The following LRCH1 variants were observed in gnomAD, a reference collection of about 807,000 sequenced individuals.
The protein encoded by LRCH1 is leucine rich repeats and calponin homology domain containing 1.
LRCH1 carries 23 observed loss-of-function variants against 94.9 expected under a neutral mutation model. That is an observed-to-expected ratio of 0.24 (90% CI 0.17 to 0.34). The LOEUF is 0.34. LRCH1 is among the 10% of genes least tolerant of loss of function. The probability of loss-of-function intolerance (pLI) is 1.00; values close to 1 mark genes in which losing one functional copy is unlikely to be tolerated. For missense variants in LRCH1, 790 were observed against 945.9 expected, an observed-to-expected ratio of 0.84 and a Z score of 2.16; for synonymous variants, 364 against 354.9, an observed-to-expected ratio of 1.03 and a Z score of -0.29.
chr13:46,705,753 G>C, intron 13 of LRCH1: 1 of 319,948 alleles, frequency 3.1e-6, no homozygotes, highest in Non-Finnish European at 6.1e-6. Context: ...AGGATTGAGA[G>C]AATATCATGA....
chr13:46,609,487 A>G (rs1479106455), intron 1 of LRCH1, among the ~76,000 whole-genome samples: 1 of 152,208 alleles, frequency 6.6e-6, no homozygotes, highest in African/African-American at 2.4e-5. Flanking sequence ...TTTTATAAAC[A>G]TGTAGCTACT....
chr13:46,565,566 A>G (rs1594247547), intron 1 of LRCH1, among the ~76,000 whole-genome samples: 1 of 151,728 alleles, frequency 6.6e-6, no homozygotes, highest in Admixed American at 6.6e-5. Flanking sequence ...AATCCTAGCA[A>G]TTTGGGAGGC....
intron 3 of LRCH1, among the ~76,000 whole-genome samples, chr13:46,674,650 T>G (rs2051646627): frequency 1.3e-5 from 2 of 152,368 alleles, no homozygotes; most frequent in South Asian, 4.1e-4. Flanking sequence ...GGGGAAGAGA[T>G]AAAGCATTCA....
intron 18 of LRCH1, among the ~76,000 whole-genome samples, chr13:46,732,863 A>G (rs1360455464): frequency 6.6e-6 from 1 of 152,206 alleles, no homozygotes; most frequent in Admixed American, 6.5e-5. Context: ...TGCTGGCGAC[A>G]TCTCTTTAGG....
At chr13:46,582,370 CTTTTTTTTT>C (rs10686269) in intron 1 of LRCH1, among the ~76,000 whole-genome samples, 3 of 79,590 alleles carry the variant, frequency 3.8e-5, no homozygotes, top group Admixed American at 1.8e-4. Flanking sequence ...TTGCTCTCAT[CTTTTTTTTT>C]TTTTTTTTTT....
chr13:46,640,232 C>T (rs1044146546), intron 1 of LRCH1, among the ~76,000 whole-genome samples: 3 of 152,172 alleles, frequency 2.0e-5, no homozygotes, highest in African/African-American at 7.2e-5. Context: ...TAATAGCTAA[C>T]ATAATCATGA....
At chr13:46,716,949 T>C (rs1403768004) in intron 16 of LRCH1, among the ~76,000 whole-genome samples, 2 of 152,040 alleles carry the variant, frequency 1.3e-5, no homozygotes, top group Non-Finnish European at 2.9e-5. Context: ...TTTCAGAAAG[T>C]ATAGCTATTT....
chr13:46,644,381 T>C (rs1022051731), intron 1 of LRCH1, among the ~76,000 whole-genome samples: 1 of 152,236 alleles, frequency 6.6e-6, no homozygotes, highest in African/African-American at 2.4e-5. Context: ...ATCTTACTTT[T>C]CAAAATTTAA....
intron 2 of LRCH1, among the ~76,000 whole-genome samples, chr13:46,663,374 A>G (rs1000160109): frequency 6.6e-6 from 1 of 152,176 alleles, no homozygotes; most frequent in African/African-American, 2.4e-5. Context: ...TAGACGTGTA[A>G]TTAATGATGG....
At chr13:46,581,962 C>T (rs2050371186) in intron 1 of LRCH1, among the ~76,000 whole-genome samples, 1 of 151,984 alleles carries the variant, frequency 6.6e-6, no homozygotes, top group Non-Finnish European at 1.5e-5. Context: ...CCACCCTGGC[C>T]AATATGGCGA....
intron 1 of LRCH1, among the ~76,000 whole-genome samples, chr13:46,558,791 G>A (rs1366287203): frequency 1.3e-5 from 2 of 152,042 alleles, no homozygotes; most frequent in Non-Finnish European, 2.9e-5. Flanking sequence ...AAAAGAAACA[G>A]AGAGGGCATT....
chr13:46,557,994 G>A (rs1416388532), intron 1 of LRCH1, among the ~76,000 whole-genome samples: 2 of 152,136 alleles, frequency 1.3e-5, no homozygotes, highest in Non-Finnish European at 2.9e-5. Flanking sequence ...CCATGATCGC[G>A]CCACTGCACT....
At position 46,741,584 on chromosome 13, in the gene LRCH1, G is replaced by A. The variant is rs956666391; in HGVS notation, c.2086-58G>A. Reference sequence around the variant, plus strand: ...TGTGCTTCTTTCTAGCTGTTCCTCCGTGTATTTTTAATTGTATGCACTGTC... The same window carrying A: ...TGTGCTTCTTTCTAGCTGTTCCTCCATGTATTTTTAATTGTATGCACTGTC... On this transcript the variant is annotated intron_variant, in intron 19 of 19. Coordinates refer to ENST00000389797, the MANE Select transcript of LRCH1 (RefSeq NM_001164211.2). 2.5e-5 allele frequency: 40 copies of A among 1,603,978 alleles called. No individual in the cohort carries two copies. The highest frequency in any genetic ancestry group is 3.3e-5 in the South Asian group (3 of 90,824).
chr13:46,649,742 A>G (rs1014269172), intron 1 of LRCH1, among the ~76,000 whole-genome samples: 7 of 151,880 alleles, frequency 4.6e-5, no homozygotes, highest in Non-Finnish European at 7.4e-5. Context: ...GGTAGAAGGA[A>G]CACCTGAGCC....
At chr13:46,688,072 C>A in intron 6 of LRCH1, 93 bp downstream of exon 6, 1 of 1,297,050 alleles carries the variant, frequency 7.7e-7, no homozygotes, top group South Asian at 2.0e-5. Context: ...TGTTTTAAGT[C>A]ACCATGGTAT....
intron 1 of LRCH1, among the ~76,000 whole-genome samples, chr13:46,643,956 C>T (rs546224667): frequency 1.2e-4 from 18 of 152,256 alleles, no homozygotes; most frequent in Non-Finnish European, 1.8e-4. Flanking sequence ...ATACGAAGAC[C>T]ATGTCGACTT....
Position 46,728,956 on chromosome 13 carries a change from C to T in LRCH1, c.1979C>T (p.Ala660Val). The change falls in exon 18 of 20, where the codon GCA (alanine) becomes GTA (valine). Residue 660 changes from alanine (A) to valine (V), a missense_variant. By Grantham distance (64) the Ala-to-Val change is moderately conservative. This residue lies in a region of LRCH1 where 460 missense variants were observed against 508.9 expected (regional missense o/e 0.90). Coordinates refer to ENST00000389797, the MANE Select transcript of LRCH1 (RefSeq NM_001164211.2). ...AACCACATCCGCCCACGGTCGGTTG[C>T]AAGCATCCATGTCCCATCACCAGCG... is the stretch of plus-strand genomic sequence containing the variant. ...LVNHIRPRSV[A>V]SIHVPSPAVP... The T allele has an allele frequency of 6.2e-7, 1 of 1,613,322 alleles. No individual in the cohort carries two copies. Among genetic ancestry groups the T allele is most frequent in the Non-Finnish European group, 8.5e-7 (1 of 1,179,620 alleles).
At chr13:46,751,820 C>T (rs1266467092) in exon 19 of LRCH1, 2 of 152,198 alleles carry the variant, frequency 1.3e-5, no homozygotes, top group African/African-American at 2.4e-5. Context: ...TTACTTAAGG[C>T]ACATAGGACC....
chr13:46,600,618 TACACACACACACAC>T (rs3068695), intron 1 of LRCH1, among the ~76,000 whole-genome samples: 11,725 of 143,270 alleles, frequency 0.082, 562 homozygotes, highest in Middle Eastern at 0.15. Flanking sequence ...TGACCAGATT[TACACACACACACAC>T]ACACACACAC....
Sources: gnomAD v4.1 joint callset for allele counts (sites outside exome capture counted in the v4.1 genomes callset) on GRCh38, gnomAD v4.1.1 for gene constraint, gnomAD v4.1.1 regional missense constraint, MANE v1.5 for transcripts, NCBI Gene and HGNC (gene_info 2026-07-23, HGNC 2026-07-21) for gene names.